PSD3: variants seen among roughly 807,000 people sequenced by gnomAD.
PSD3 encodes the protein PH and SEC7 domain-containing protein 3.
Under a neutral mutation model 105.5 loss-of-function variants are expected in PSD3, and 49 were observed. The ratio of observed to expected loss-of-function variants is 0.46; its 90% CI spans 0.37 to 0.59. The LOEUF (loss-of-function observed/expected upper bound fraction) is 0.59. Among genes scored for constraint, PSD3 ranks in the 20% least tolerant of loss-of-function variants. The pLI, the probability that PSD3 is intolerant of heterozygous loss-of-function variation, is 0.00. For synonymous variants in PSD3, 557 were observed against 457.8 expected (o/e 1.22, Z -2.77); for missense variants, 1,561 against 1,263.8 (o/e 1.24, Z -3.57).
chr8:18,872,309 T>C lies in PSD3; in HGVS notation c.555A>G (p.Lys185=), dbSNP rs1166863961. The change falls in exon 3 of 16, where the codon AAA becomes AAG. Residue 185 remains lysine, a synonymous_variant. Coordinates refer to ENST00000327040, the MANE Select transcript of PSD3 (RefSeq NM_015310.4). ...TASRKTQRVN[K]TLPAGQKNLP... ...AATTTTTTTGGCCAGCAGGGAGCGTTTTGTTGACTCTCTGTGTTTTACGAC... is the reference window on the plus strand; with the variant it reads ...AATTTTTTTGGCCAGCAGGGAGCGTCTTGTTGACTCTCTGTGTTTTACGAC... 1.2e-6 allele frequency: 2 copies of C among 1,614,148 alleles called. No homozygotes were observed. The highest frequency in any genetic ancestry group is 1.1e-5 in the South Asian group (1 of 91,078).
rs868749218 is a variant in PSD3, at chr8:18,801,330, C to A, written c.1963G>T (p.Val655Phe). ...TATCTATTGGAGAAGTGTATTAAAA[C>A]TCTCTCTCGTTCTTGAGTTTCTCCC... ...LVGETQERER[V>F]LIHFSNRYFY... Residue 655 changes from valine to phenylalanine, a missense_variant, in exon 7 of 16, where the codon GTT becomes TTT. Transcript: ENST00000327040. The A allele has an allele frequency of 6.2e-7, 1 of 1,608,782 alleles. No homozygotes were observed. Among genetic ancestry groups the A allele is most frequent in the South Asian group, 1.1e-5 (1 of 90,670 alleles).
intron 4 of PSD3, among the ~76,000 whole-genome samples, chr8:18,808,084 A>G (rs767747949): frequency 6.6e-6 from 1 of 152,238 alleles, no homozygotes. Context: ...TAGGCAATTC[A>G]TGGTTACTTT....
chr8:18,710,131 C>T (rs1218173706), intron 9 of PSD3, among the ~76,000 whole-genome samples: 6 of 152,052 alleles, frequency 3.9e-5, no homozygotes, highest in East Asian at 1.9e-4. Flanking sequence ...CAGAATAACC[C>T]GTTTAGAGAG....
intron 2 of PSD3, among the ~76,000 whole-genome samples, chr8:18,896,869 G>C (rs1052251206): frequency 2.6e-5 from 4 of 151,920 alleles, no homozygotes; most frequent in Admixed American, 6.6e-5. Flanking sequence ...GGAGTGCAAT[G>C]GCATGATCTC....
At chr8:19,080,099 G>A (rs576190129) in intron 1 of PSD3, among the ~76,000 whole-genome samples, 24 of 152,226 alleles carry the variant, frequency 1.6e-4, no homozygotes, top group African/African-American at 5.8e-4. Context: ...CATGTTGGCA[G>A]GCTGAACTCA....
At chr8:18,602,672 G>A (rs6983821) in intron 11 of PSD3, among the ~76,000 whole-genome samples, 1,843 of 152,098 alleles carry the variant, frequency 0.012, 47 homozygotes, top group African/African-American at 0.042. Flanking sequence ...CATCTTACGT[G>A]AGACAGATGG....
chr8:18,882,905 G>A (rs6586782), intron 2 of PSD3, among the ~76,000 whole-genome samples: 6,951 of 151,876 alleles, frequency 0.046, 195 homozygotes, highest in Admixed American at 0.085. Flanking sequence ...CTGTATAGTG[G>A]AGTATGTATG....
At chr8:18,572,405 C>T (rs1453413885) in intron 14 of PSD3, 123 bp downstream of exon 14, 2 of 1,185,112 alleles carry the variant, frequency 1.7e-6, no homozygotes, top group Non-Finnish European at 2.4e-6. Flanking sequence ...ATATGATACG[C>T]TCTCACAGGG....
At chr8:19,072,397 A>G (rs755166253) in intron 1 of PSD3, among the ~76,000 whole-genome samples, 2 of 152,182 alleles carry the variant, frequency 1.3e-5, no homozygotes, top group Non-Finnish European at 2.9e-5. Flanking sequence ...GGTTTTCTGA[A>G]CATTTCTAAG....
intron 9 of PSD3, among the ~76,000 whole-genome samples, chr8:18,664,893 T>G (rs187788382): frequency 7.2e-5 from 11 of 152,368 alleles, no homozygotes; most frequent in Admixed American, 3.9e-4. Flanking sequence ...AAAGCCAGGA[T>G]GGCAGCATAT....
intron 1 of PSD3, among the ~76,000 whole-genome samples, chr8:18,951,876 G>C (rs564679968): frequency 6.6e-6 from 1 of 152,076 alleles, no homozygotes; most frequent in East Asian, 1.9e-4. Context: ...TCCTGAGGCA[G>C]AAGAATCATT....
At chr8:18,936,292 T>C in intron 1 of PSD3, 150 bp from the exon 2 acceptor site, 1 of 581,214 alleles carries the variant, frequency 1.7e-6, no homozygotes, top group Non-Finnish European at 3.1e-6. Context: ...ATGAAAAGTG[T>C]AACATGAAAA....
intron 1 of PSD3, among the ~76,000 whole-genome samples, chr8:19,008,386 T>C (rs1346698828): frequency 2.0e-5 from 3 of 152,180 alleles, no homozygotes; most frequent in Non-Finnish European, 4.4e-5. Flanking sequence ...AAGCCTGCTG[T>C]CAATTTCCAA....
Position 18,600,453 on chromosome 8 carries a change from T to C in PSD3, c.2411-19A>G. ...CTTGGAGCTAGAAAGGGGGAAAAAA[T>C]GTAAAATTTTATTTGACATCAGCAT... On this transcript the variant is annotated intron_variant, in intron 11 of 15. Transcript: ENST00000327040. 3 of 1,558,412 alleles carry C rather than the reference T, an allele frequency of 1.9e-6. No homozygotes were observed. Among genetic ancestry groups the C allele is most frequent in the Middle Eastern group, 1.7e-4 (1 of 5,930 alleles).
chr8:18,753,950 T>G (rs986549454), intron 9 of PSD3, among the ~76,000 whole-genome samples: 1 of 152,162 alleles, frequency 6.6e-6, no homozygotes, highest in Non-Finnish European at 1.5e-5. Context: ...CCTAGTGCCC[T>G]TTAAGGTTGC....
At position 18,533,988 on chromosome 8, in the gene PSD3, G is replaced by A. The variant is rs185847588; in HGVS notation, c.*1755C>T. On this transcript the variant is annotated 3_prime_UTR_variant, in exon 16 of 16. Transcript: ENST00000327040. ...AAAGCAACTGCAACCCTAGAGAGGG[G>A]TAAGCCTTCTCTGGGCAATAGTCAT... is the stretch of plus-strand genomic sequence containing the variant. The A allele has an allele frequency of 4.6e-5, 7 of 152,252 alleles. 1 individual carries two copies. Among genetic ancestry groups the A allele is most frequent in the African/African-American group, 1.7e-4 (7 of 41,562 alleles). 9.4% of individuals were successfully genotyped at this position (152,252 alleles called of 1,614,324 possible). A position where few individuals can be genotyped will look rare whatever the true frequency, so the allele number is the denominator to read the frequency against.
At chr8:18,573,968 T>G (rs1546001) in intron 13 of PSD3, among the ~76,000 whole-genome samples, 1 of 151,942 alleles carries the variant, frequency 6.6e-6, no homozygotes, top group African/African-American at 2.4e-5. Flanking sequence ...ATAAGACTAT[T>G]TAGAAAACCC....
intron 1 of PSD3, among the ~76,000 whole-genome samples, chr8:18,995,988 C>G (rs1208194629): frequency 6.6e-6 from 1 of 151,960 alleles, no homozygotes; most frequent in Non-Finnish European, 1.5e-5. Context: ...ACATGCAGAT[C>G]TCAGGCCCCA....
chr8:19,057,432 C>G (rs1238459515), intron 1 of PSD3, among the ~76,000 whole-genome samples: 2 of 152,194 alleles, frequency 1.3e-5, no homozygotes, highest in African/African-American at 4.8e-5. Flanking sequence ...ACACGAAAAC[C>G]TCTGCCCACC....
Sources: allele counts gnomAD v4.1 joint callset (sites outside exome capture counted in the v4.1 genomes callset), GRCh38; gene constraint gnomAD v4.1.1; transcripts MANE v1.5; gene names NCBI Gene and HGNC (gene_info 2026-07-23, HGNC 2026-07-21).